The following NR6A1 variants were observed in gnomAD, a reference collection of about 807,000 sequenced individuals.
The protein encoded by NR6A1 is retinoic acid receptor-related testis-associated receptor.
Under a neutral mutation model 59.1 loss-of-function variants are expected in NR6A1, and 7 were observed. The ratio of observed to expected loss-of-function variants is 0.12; its 90% CI spans 0.07 to 0.22. The LOEUF is 0.22. Among genes scored for constraint, NR6A1 ranks in the 10% least tolerant of loss-of-function variants. The pLI is 1.00. For missense variants in NR6A1, 468 were observed against 611.6 expected (o/e 0.77, Z 2.48); for synonymous variants, 243 against 236.1 (o/e 1.03, Z -0.27).
intron 2 of NR6A1, among the ~76,000 whole-genome samples, chr9:124,679,879 G>A (rs1046697284): frequency 8.0e-5 from 12 of 149,708 alleles, no homozygotes; most frequent in South Asian, 2.1e-4. Flanking sequence ...CCTGGACAAC[G>A]GAGAGAGGTT....
intron 2 of NR6A1, among the ~76,000 whole-genome samples, chr9:124,562,597 A>G (rs997569249): frequency 6.6e-6 from 1 of 152,056 alleles, no homozygotes; most frequent in East Asian, 1.9e-4. Flanking sequence ...ACCTGGCAAG[A>G]GTTTTTTGTT....
rs540554366 is a variant in NR6A1, at chr9:124,593,407, G to T, written c.143-38837C>A. On this transcript the variant is annotated intron_variant, in intron 2 of 9. Coordinates refer to ENST00000487099, the MANE Select transcript of NR6A1 (RefSeq NM_033334.4). ...AAGCAAACATTAGAATAAAAAAGAA[G>T]AGAAAAAGGGAGGGAGGAAGAGAGC... Among the ~76,000 whole-genome samples the T allele has an allele frequency of 1.4e-4, 21 of 152,118 alleles. 1 individual carries two copies. The highest frequency in any genetic ancestry group is 1.9e-4 in the Non-Finnish European group (13 of 67,984).
rs142223112 is a variant in NR6A1 at position 124,550,169 on chromosome 9, T to C, written c.385+4159A>G. Among the ~76,000 whole-genome samples, 625 of 152,284 alleles carry C rather than the reference T, an allele frequency of 4.1e-3. 2 individuals carry two copies. The highest frequency in any genetic ancestry group is 0.014 in the African/African-American group (601 of 41,560). ...GGGGGTATATACAATGTTGGTGTGT[T>C]TTATTGGTACTGTTAATCTTGATCA... is the stretch of plus-strand genomic sequence containing the variant. On this transcript the variant is annotated intron_variant, in intron 3 of 9. Coordinates refer to ENST00000487099, the MANE Select transcript of NR6A1 (RefSeq NM_033334.4).
intron 1 of NR6A1, among the ~76,000 whole-genome samples, chr9:124,738,960 C>A (rs950695512): frequency 2.7e-5 from 4 of 150,134 alleles, no homozygotes; most frequent in Non-Finnish European, 4.4e-5. Context: ...CAGGATCACC[C>A]CACTGCACTC....
intron 2 of NR6A1, among the ~76,000 whole-genome samples, chr9:124,683,615 GA>G (rs1838240513): frequency 1.3e-5 from 2 of 152,106 alleles, no homozygotes; most frequent in East Asian, 1.9e-4. Context: ...TCAACATGGT[GA>G]AATCCCATCT....
intron 2 of NR6A1, among the ~76,000 whole-genome samples, chr9:124,561,380 G>C (rs1446056080): frequency 6.6e-6 from 1 of 152,128 alleles, no homozygotes; most frequent in African/African-American, 2.4e-5. Flanking sequence ...CGAAGATGCA[G>C]TGAGCTGTGA....
At chr9:124,652,180 A>T (rs746142270) in intron 2 of NR6A1, among the ~76,000 whole-genome samples, 2 of 152,202 alleles carry the variant, frequency 1.3e-5, no homozygotes, top group Non-Finnish European at 2.9e-5. Context: ...CTCAATGCAC[A>T]AGAGTAAAGA....
intron 2 of NR6A1, among the ~76,000 whole-genome samples, chr9:124,577,910 C>T (rs1017079831): frequency 2.6e-5 from 4 of 152,156 alleles, no homozygotes; most frequent in African/African-American, 4.8e-5. Flanking sequence ...GTAAATTCTA[C>T]GTGAACAGAT....
chr9:124,609,907 G>A (rs1412791385), intron 2 of NR6A1, among the ~76,000 whole-genome samples: 2 of 152,106 alleles, frequency 1.3e-5, no homozygotes, highest in Non-Finnish European at 2.9e-5. Flanking sequence ...TTGGCTCTCT[G>A]GTTATCTGTT....
At chr9:124,701,392 T>C (rs1447172881) in intron 2 of NR6A1, among the ~76,000 whole-genome samples, 1 of 152,058 alleles carries the variant, frequency 6.6e-6, no homozygotes, top group Non-Finnish European at 1.5e-5. Context: ...TTAATTTTTA[T>C]TGTAGTAAAA....
At chr9:124,622,981 G>C (rs1227465163) in intron 2 of NR6A1, among the ~76,000 whole-genome samples, 1 of 152,118 alleles carries the variant, frequency 6.6e-6, no homozygotes, top group Non-Finnish European at 1.5e-5. Flanking sequence ...AACTACAGAA[G>C]CATAACAAGG....
intron 2 of NR6A1, among the ~76,000 whole-genome samples, chr9:124,596,883 G>T (rs1835286764): frequency 6.6e-6 from 1 of 152,246 alleles, no homozygotes; most frequent in South Asian, 2.1e-4. Flanking sequence ...AAGGTGGAAT[G>T]TCCCCAAGAG....
At chr9:124,734,738 AT>A (rs1839975667) in intron 1 of NR6A1, among the ~76,000 whole-genome samples, 1 of 152,186 alleles carries the variant, frequency 6.6e-6, no homozygotes, top group Non-Finnish European at 1.5e-5. Context: ...CTAGAGGGGT[AT>A]GAAAGTAACT....
At chr9:124,769,415 A>C (rs868712068) in intron 1 of NR6A1, among the ~76,000 whole-genome samples, 1 of 152,230 alleles carries the variant, frequency 6.6e-6, no homozygotes, top group African/African-American at 2.4e-5. Context: ...AAACGTATGA[A>C]GGCACGGATC....
At chr9:124,731,951 T>C (rs1410732617) in intron 2 of NR6A1, among the ~76,000 whole-genome samples, 4 of 152,314 alleles carry the variant, frequency 2.6e-5, no homozygotes, top group East Asian at 1.9e-4. Context: ...GGGTCAACCG[T>C]ACTATATACA....
intron 2 of NR6A1, among the ~76,000 whole-genome samples, chr9:124,695,663 C>T (rs1232908303): frequency 6.6e-6 from 1 of 152,150 alleles, no homozygotes; most frequent in Non-Finnish European, 1.5e-5. Flanking sequence ...AGTCACCGCG[C>T]CCGGCCCGAG....
intron 2 of NR6A1, among the ~76,000 whole-genome samples, chr9:124,700,986 C>G (rs549010050): frequency 6.6e-6 from 1 of 151,804 alleles, no homozygotes; most frequent in Non-Finnish European, 1.5e-5. Flanking sequence ...GTCTCAAACT[C>G]CTGACCTCAG....
chr9:124,569,817 G>A (rs1047701341), intron 2 of NR6A1, among the ~76,000 whole-genome samples: 4 of 152,118 alleles, frequency 2.6e-5, no homozygotes, highest in Non-Finnish European at 5.9e-5. Context: ...CCATTCCACC[G>A]CACATACTAC....
chr9:124,559,605 A>G (rs1037652925), intron 2 of NR6A1, among the ~76,000 whole-genome samples: 1 of 152,022 alleles, frequency 6.6e-6, no homozygotes, highest in Non-Finnish European at 1.5e-5. Context: ...GCGAAACCCC[A>G]TCTCTACTAA....
Sources: allele counts gnomAD v4.1 joint callset (sites outside exome capture counted in the v4.1 genomes callset), GRCh38; gene constraint gnomAD v4.1.1; transcripts MANE v1.5; gene names NCBI Gene and HGNC (gene_info 2026-07-23, HGNC 2026-07-21).